GRIK4: variants seen among roughly 807,000 people sequenced by gnomAD.
GRIK4 encodes the protein glutamate receptor ionotropic, kainate 4.
GRIK4 carries 40 observed loss-of-function variants against 104.9 expected under a neutral mutation model. The observed-to-expected ratio is 0.38, with a 90% CI of 0.30 to 0.50. The LOEUF is 0.50. Among genes scored for constraint, GRIK4 ranks in the 20% least tolerant of loss-of-function variants. The pLI, the probability that GRIK4 is intolerant of heterozygous loss-of-function variation, is 0.93. For synonymous variants in GRIK4, 485 were observed against 524.9 expected, an observed-to-expected ratio of 0.92 and a Z score of 1.04; for missense variants, 1,047 against 1,308.1, an observed-to-expected ratio of 0.80 and a Z score of 3.08.
At chr11:120,558,461 G>C (rs1278735567) in intron 1 of GRIK4, among the ~76,000 whole-genome samples, 1 of 152,164 alleles carries the variant, frequency 6.6e-6, no homozygotes, top group Non-Finnish European at 1.5e-5. Context: ...GGTGGTGTGC[G>C]CCTGTAGTCC....
At chr11:120,806,961 T>G (rs970899058) in intron 4 of GRIK4, among the ~76,000 whole-genome samples, 1 of 152,126 alleles carries the variant, frequency 6.6e-6, no homozygotes, top group Non-Finnish European at 1.5e-5. Flanking sequence ...TTTCATATAA[T>G]GGGTTTATTT....
intron 1 of GRIK4, among the ~76,000 whole-genome samples, chr11:120,566,645 T>C (rs1437638046): frequency 6.6e-6 from 1 of 152,090 alleles, no homozygotes; most frequent in Admixed American, 6.6e-5. Context: ...TGGGTTGACA[T>C]CAACTAAGAG....
rs867044276 is a variant in GRIK4, at chr11:120,660,254, C to T, written c.-50-15C>T. The T allele has an allele frequency of 2.8e-5, 34 of 1,194,980 alleles. 3 individuals carry two copies. In the Middle Eastern group the frequency reaches 4.0e-3, roughly 141 times the overall value. The allele number at this position is 1,194,980 out of a possible 1,614,324, so 74.0% of individuals were successfully genotyped here. On this transcript the variant is annotated splice_polypyrimidine_tract_variant and intron_variant, in intron 2 of 20. Coordinates refer to ENST00000527524, the MANE Select transcript of GRIK4 (RefSeq NM_014619.5). ...GAGCCTGGGACTCACGTGCCCCCAACCCCCTCTCTCGCAGAGTTATGTCAT... is the reference window on the plus strand; with the variant it reads ...GAGCCTGGGACTCACGTGCCCCCAATCCCCTCTCTCGCAGAGTTATGTCAT...
At chr11:120,927,884 G>A (rs1365847578) in intron 13 of GRIK4, among the ~76,000 whole-genome samples, 2 of 152,056 alleles carry the variant, frequency 1.3e-5, no homozygotes, top group Non-Finnish European at 2.9e-5. Flanking sequence ...ACAGGTATCA[G>A]CAGACTGTTA....
intron 1 of GRIK4, chr11:120,620,146 A>G (rs73574448): frequency 0.017 from 14,329 of 834,352 alleles, 1,270 homozygotes; most frequent in African/African-American, 0.15. Context: ...TGGCTTTATC[A>G]TGCCTGATGT....
At chr11:120,563,812 C>T (rs1948271622) in intron 1 of GRIK4, among the ~76,000 whole-genome samples, 1 of 152,230 alleles carries the variant, frequency 6.6e-6, no homozygotes, top group Non-Finnish European at 1.5e-5. Flanking sequence ...GGAATCTCCA[C>T]CTGCTGTTTC....
rs987828483 is a variant in GRIK4 at position 120,562,806 on chromosome 11, T to C, written c.-159+50919T>C. ...TGCAGCTTGGACTAATTTGAGAGACTTTCTAGAAGGTAGAACCCACAGGAC... is the reference window on the plus strand; with the variant it reads ...TGCAGCTTGGACTAATTTGAGAGACCTTCTAGAAGGTAGAACCCACAGGAC... On this transcript the variant is annotated intron_variant, in intron 1 of 20. Coordinates refer to ENST00000527524, the MANE Select transcript of GRIK4 (RefSeq NM_014619.5). Among the ~76,000 whole-genome samples, 3 of 152,138 alleles carry C rather than the reference T, an allele frequency of 2.0e-5. No individual in the cohort carries two copies. The East Asian group carries it at 5.8e-4, about 29-fold the overall frequency.
intron 3 of GRIK4, among the ~76,000 whole-genome samples, chr11:120,727,115 A>C (rs1266969586): frequency 6.6e-6 from 1 of 152,180 alleles, no homozygotes; most frequent in East Asian, 1.9e-4. Flanking sequence ...CAATTTGAGG[A>C]TAGGAACTGC....
chr11:120,926,384 C>G (rs1443588905), intron 13 of GRIK4, among the ~76,000 whole-genome samples: 1 of 152,110 alleles, frequency 6.6e-6, no homozygotes, highest in African/African-American at 2.4e-5. Context: ...ATAATAAAGG[C>G]TGACACTTCT....
chr11:120,585,509 G>A (rs189737549), intron 1 of GRIK4, among the ~76,000 whole-genome samples: 11 of 151,972 alleles, frequency 7.2e-5, no homozygotes, highest in African/African-American at 2.2e-4. Flanking sequence ...CTACTGTGCC[G>A]TGCCCTTTCC....
At chr11:120,977,828 C>T (rs77376411) in intron 19 of GRIK4, among the ~76,000 whole-genome samples, 2,853 of 152,296 alleles carry the variant, frequency 0.019, 44 homozygotes, top group Non-Finnish European at 0.03. Flanking sequence ...AGGCCACATG[C>T]CTGTTAATAA....
chr11:120,620,824 G>A (rs1267741879), intron 1 of GRIK4, among the ~76,000 whole-genome samples: 2 of 152,196 alleles, frequency 1.3e-5, no homozygotes, highest in African/African-American at 2.4e-5. Flanking sequence ...TATTGGGCAT[G>A]CACGATGTGC....
chr11:120,940,555 T>C lies in GRIK4; in HGVS notation c.1590+95T>C. On this transcript the variant is annotated intron_variant, in intron 14 of 20. Transcript: ENST00000527524. The surrounding 1 kb of genome is among the most constrained non-coding windows in gnomAD (Gnocchi z 4.3). ...AATAATGAATGACTCATGGAAATAT[T>C]TAGATTTCAAGACTTAAATGCAAAT... is the stretch of plus-strand genomic sequence containing the variant. 1.3e-6 allele frequency: 1 copy of C among 751,024 alleles called. No individual in the cohort carries two copies. The highest frequency in any genetic ancestry group is 2.6e-5 in the Admixed American group (1 of 38,170). 46.5% of individuals were successfully genotyped at this position (751,024 alleles called of 1,614,324 possible). A position where few individuals can be genotyped will look rare whatever the true frequency, so the allele number is the denominator to read the frequency against.
intron 1 of GRIK4, among the ~76,000 whole-genome samples, chr11:120,580,256 T>C (rs1269303218): frequency 7.3e-6 from 1 of 137,120 alleles, no homozygotes; most frequent in Non-Finnish European, 1.5e-5. Flanking sequence ...TCTTTCTTTT[T>C]CTTTCTTTCT....
intron 3 of GRIK4, among the ~76,000 whole-genome samples, chr11:120,755,294 C>T (rs1951633000): frequency 6.6e-6 from 1 of 151,946 alleles, no homozygotes. Context: ...CTCAGGGAGC[C>T]CTGGGGAAGG....
intron 1 of GRIK4, among the ~76,000 whole-genome samples, chr11:120,647,973 A>G (rs566798843): frequency 6.6e-6 from 1 of 152,110 alleles, no homozygotes; most frequent in South Asian, 2.1e-4. Context: ...AGATCTGCCC[A>G]TGTGGCAGCC....
intron 1 of GRIK4, among the ~76,000 whole-genome samples, chr11:120,653,034 G>GC (rs5795241): frequency 0.56 from 85,177 of 152,032 alleles, 24,947 homozygotes; most frequent in East Asian, 0.71. Flanking sequence ...GGTGATACAT[G>GC]CCCCAAAGAG....
intron 9 of GRIK4, 97 bp from the exon 10 acceptor site, chr11:120,873,969 C>T (rs1954688177): frequency 8.7e-7 from 1 of 1,144,592 alleles, no homozygotes. Context: ...TTTGCTTTCT[C>T]TTTTCTTCCT....
intron 11 of GRIK4, among the ~76,000 whole-genome samples, chr11:120,887,786 C>T (rs751994808): frequency 6.6e-6 from 1 of 152,204 alleles, no homozygotes; most frequent in African/African-American, 2.4e-5. Flanking sequence ...TATATGATTA[C>T]AAACGTGATG....
Sources: allele counts gnomAD v4.1 joint callset (sites outside exome capture counted in the v4.1 genomes callset), GRCh38; gene constraint gnomAD v4.1.1; non-coding constraint Gnocchi (gnomAD v3.1); transcripts MANE v1.5; gene names NCBI Gene and HGNC (gene_info 2026-07-23, HGNC 2026-07-21).